Variants in RFX2 observed in about 807,000 individuals in gnomAD.
RFX2 encodes DNA-binding protein RFX2.
A neutral mutation model predicts 87.8 loss-of-function variants in RFX2; 20 were observed. The ratio of observed to expected loss-of-function variants is 0.23; its 90% CI spans 0.16 to 0.33. The LOEUF (loss-of-function observed/expected upper bound fraction) is 0.33, where lower values mean the gene tolerates loss of function less well. Among genes scored for constraint, RFX2 ranks in the 10% least tolerant of loss-of-function variants. The probability of loss-of-function intolerance (pLI) is 1.00; values close to 1 mark genes in which losing one functional copy is unlikely to be tolerated. For synonymous variants in RFX2, 397 were observed against 431.3 expected, an observed-to-expected ratio of 0.92 and a Z score of 0.98; for missense variants, 767 against 1,012.3, an observed-to-expected ratio of 0.76 and a Z score of 3.29.
chr19:6,001,336 C>T lies in RFX2; in HGVS notation c.1859+479G>A, dbSNP rs916953127. ...AGGGTACAGTGGTGCAATCTTGGCT[C>T]ACTGCAGCCTGGACCGCCTGGGCTC... On this transcript the variant is annotated intron_variant, in intron 15 of 17. Transcript: ENST00000303657. The surrounding 1 kb of genome is among the most constrained non-coding windows in gnomAD (Gnocchi z 5.6). Among the ~76,000 whole-genome samples the T allele has an allele frequency of 6.6e-6, 1 of 152,212 alleles. No homozygotes were observed. The highest frequency in any genetic ancestry group is 1.5e-5 in the Non-Finnish European group (1 of 68,044).
chr19:5,996,587 C>A (rs570306564), intron 16 of RFX2, among the ~76,000 whole-genome samples: 1 of 152,234 alleles, frequency 6.6e-6, no homozygotes, highest in Non-Finnish European at 1.5e-5. Context: ...ACGGGGTTTC[C>A]TTTTGGGGTG....
intron 1 of RFX2, among the ~76,000 whole-genome samples, chr19:6,099,238 A>C (rs2088077928): frequency 6.6e-6 from 1 of 152,174 alleles, no homozygotes. Context: ...TCGGGATTTC[A>C]TATTCTCCAC....
chr19:6,023,382 C>T lies in RFX2; in HGVS notation c.597+2781G>A, dbSNP rs1052662853. 1.3e-5 allele frequency among the ~76,000 whole-genome samples: 2 copies of T among 152,236 alleles called. No individual in the cohort carries two copies. Among genetic ancestry groups the T allele is most frequent in the African/African-American group, 4.8e-5 (2 of 41,458 alleles). ...ACCTCAGTCTCAGCCACAGGCAGCC[C>T]TGGGGACAATCGTTGCAAGGGCACG... On this transcript the variant is annotated intron_variant, in intron 6 of 17. Transcript: ENST00000303657. This position sits in a 1 kb window ranked among gnomAD's most constrained non-coding sequence, Gnocchi z 4.9.
At chr19:6,092,563 G>T (rs1745124902) in intron 1 of RFX2, among the ~76,000 whole-genome samples, 1 of 152,218 alleles carries the variant, frequency 6.6e-6, no homozygotes. Flanking sequence ...CGACAAGCAT[G>T]AGCTTGTGGC....
rs916788957 is a variant in RFX2, at chr19:5,997,427, C to T, written c.1860-214G>A. ...GACAGGTGGGGCCGGCCTGCGCGCT[C>T]AGTTCCAGAGACCACCTGGGGAACA... is the stretch of plus-strand genomic sequence containing the variant. On this transcript the variant is annotated intron_variant, in intron 15 of 17. Transcript: ENST00000303657. The surrounding 1 kb of genome is among the most constrained non-coding windows in gnomAD (Gnocchi z 4.2). The T allele has an allele frequency of 1.8e-6, 1 of 547,152 alleles. No homozygotes were observed. Among genetic ancestry groups the T allele is most frequent in the South Asian group, 2.6e-5 (1 of 38,448 alleles). The allele number at this position is 547,152 out of a possible 1,614,324, so 33.9% of individuals were successfully genotyped here. A position where few individuals can be genotyped will look rare whatever the true frequency, so the allele number is the denominator to read the frequency against.
intron 13 of RFX2, among the ~76,000 whole-genome samples, chr19:6,003,785 A>G (rs1201375913): frequency 8.3e-5 from 8 of 96,332 alleles, no homozygotes; most frequent in Admixed American, 2.5e-4. Flanking sequence ...TCTCAAAAAA[A>G]AAAAAAAAAA....
intron 1 of RFX2, among the ~76,000 whole-genome samples, chr19:6,051,124 T>C (rs1294349549): frequency 5.9e-5 from 9 of 152,130 alleles, no homozygotes; most frequent in African/African-American, 1.2e-4. Flanking sequence ...CTGCCTACCA[T>C]GAGAAATGCT....
rs1010405892 is a variant in RFX2 at position 6,044,745 on chromosome 19, G to A, written c.91-463C>T. 4.6e-5 allele frequency among the ~76,000 whole-genome samples: 7 copies of A among 152,190 alleles called. No homozygotes were observed. Among genetic ancestry groups the A allele is most frequent in the East Asian group, 1.9e-4 (1 of 5,184 alleles). The stretch of plus-strand genomic sequence containing the variant: ...ACTGCGTGGGAGAGCACTCTGTGGC[G>A]CCCCTCGCTTCTGCAGTATAACCCG... On this transcript the variant is annotated intron_variant, in intron 2 of 17. Transcript: ENST00000303657. The surrounding 1 kb of genome is among the most constrained non-coding windows in gnomAD (Gnocchi z 5.3).
rs2086550855 is a variant in RFX2 at position 6,004,572 on chromosome 19, A to G, written c.1403-274T>C. 6.6e-6 allele frequency among the ~76,000 whole-genome samples: 1 copy of G among 152,088 alleles called. No individual in the cohort carries two copies. The highest frequency in any genetic ancestry group is 1.5e-5 in the Non-Finnish European group (1 of 68,000). On this transcript the variant is annotated intron_variant, in intron 12 of 17. Coordinates refer to ENST00000303657, the MANE Select transcript of RFX2 (RefSeq NM_000635.4). This position sits in a 1 kb window ranked among gnomAD's most constrained non-coding sequence, Gnocchi z 4.8. ...ATGTCTGGGGACGTTAATGGTGGTC[A>G]TGACTGCAGGGTGCCTCAGGCATGG...
At chr19:6,031,887 T>A (rs183064008) in intron 5 of RFX2, among the ~76,000 whole-genome samples, 42 of 152,138 alleles carry the variant, frequency 2.8e-4, no homozygotes, top group Admixed American at 2.0e-3. Context: ...GGCATGATCA[T>A]AGCTCATTCT....
intron 1 of RFX2, among the ~76,000 whole-genome samples, chr19:6,104,173 T>A (rs2088172583): frequency 6.6e-6 from 1 of 152,088 alleles, no homozygotes; most frequent in Non-Finnish European, 1.5e-5. Context: ...TTTCCTTTCC[T>A]CTTTCCCCTG....
rs2144784993 is a variant in RFX2 at position 6,050,078 on chromosome 19, A to C, written c.-8-2574T>G. Among the ~76,000 whole-genome samples the C allele has an allele frequency of 6.6e-6, 1 of 152,362 alleles. No individual in the cohort carries two copies. Among genetic ancestry groups the C allele is most frequent in the South Asian group, 2.1e-4 (1 of 4,832 alleles). ...ACAAAATACACCTGAATCTTTGGCT[A>C]AGCAACTACACCACAAAGGTGTGGG... On this transcript the variant is annotated intron_variant, in intron 1 of 17. Coordinates refer to ENST00000303657, the MANE Select transcript of RFX2 (RefSeq NM_000635.4). This position sits in a 1 kb window ranked among gnomAD's most constrained non-coding sequence, Gnocchi z 4.6.
At position 6,012,903 on chromosome 19, in the gene RFX2, G is replaced by A; in HGVS notation, c.899+83C>T. The A allele has an allele frequency of 4.6e-6, 6 of 1,308,766 alleles. No individual in the cohort carries two copies. Among genetic ancestry groups the A allele is most frequent in the African/African-American group, 1.5e-5 (1 of 66,320 alleles). The allele number at this position is 1,308,766 out of a possible 1,614,324, so 81.1% of individuals were successfully genotyped here. A position where few individuals can be genotyped will look rare whatever the true frequency, so the allele number is the denominator to read the frequency against. ...ATGCTGGAGACTGGGGAGTTATGATGAGTTTGTTTCGTGTTGGAGAAACAC... is the reference window on the plus strand; with the variant it reads ...ATGCTGGAGACTGGGGAGTTATGATAAGTTTGTTTCGTGTTGGAGAAACAC... On this transcript the variant is annotated intron_variant, in intron 8 of 17. Transcript: ENST00000303657. The surrounding 1 kb of genome is among the most constrained non-coding windows in gnomAD (Gnocchi z 4.6).
In RFX2 at chr19:6,064,344, G is replaced by A. The variant is rs1323667699; in HGVS notation, c.-8-16840C>T. 6.6e-6 allele frequency among the ~76,000 whole-genome samples: 1 copy of A among 152,066 alleles called. No individual in the cohort carries two copies. Among genetic ancestry groups the A allele is most frequent in the Non-Finnish European group, 1.5e-5 (1 of 68,012 alleles). On this transcript the variant is annotated intron_variant, in intron 1 of 17. Coordinates refer to ENST00000303657, the MANE Select transcript of RFX2 (RefSeq NM_000635.4). The surrounding 1 kb of genome is among the most constrained non-coding windows in gnomAD (Gnocchi z 4.8). Reference sequence around the variant, plus strand: ...TTACCAGCCTTTCTTTCCCTCTCACGTTTCTCTCCCTTTCTGACCATGAGC... The same window carrying A: ...TTACCAGCCTTTCTTTCCCTCTCACATTTCTCTCCCTTTCTGACCATGAGC...
In RFX2 at chr19:6,024,665, A is replaced by G. The variant is rs2086861647; in HGVS notation, c.597+1498T>C. Among the ~76,000 whole-genome samples the G allele has an allele frequency of 6.6e-6, 1 of 152,132 alleles. No individual in the cohort carries two copies. The highest frequency in any genetic ancestry group is 2.1e-4 in the South Asian group (1 of 4,826). ...CCCCAGAATCACTCACTGCCTTTTG[A>G]TAACGCCTCATTTTACACATCGGCC... On this transcript the variant is annotated intron_variant, in intron 6 of 17. Transcript: ENST00000303657. The surrounding 1 kb of genome is among the most constrained non-coding windows in gnomAD (Gnocchi z 5.0).
intron 5 of RFX2, among the ~76,000 whole-genome samples, chr19:6,031,671 C>T (rs968797080): frequency 6.6e-6 from 1 of 152,040 alleles, no homozygotes; most frequent in African/African-American, 2.4e-5. Flanking sequence ...CTCAAGTGAT[C>T]CACCCGCCTT....
chr19:6,084,348 T>C (rs912060036), intron 1 of RFX2, among the ~76,000 whole-genome samples: 2 of 152,220 alleles, frequency 1.3e-5, no homozygotes, highest in African/African-American at 4.8e-5. Context: ...CTCTTTATCA[T>C]TAATTGTGGT....
intron 6 of RFX2, among the ~76,000 whole-genome samples, chr19:6,025,962 T>G (rs914706787): frequency 1.3e-5 from 2 of 151,922 alleles, no homozygotes; most frequent in African/African-American, 4.8e-5. Flanking sequence ...ATTTTTCTAT[T>G]TTAATAGAGA....
intron 15 of RFX2, among the ~76,000 whole-genome samples, chr19:6,000,535 T>C (rs370901499): frequency 3.3e-5 from 5 of 152,344 alleles, no homozygotes; most frequent in East Asian, 1.9e-4. Flanking sequence ...TGGGAGGTAA[T>C]TGAATCATGG....
Sources: allele counts gnomAD v4.1 joint callset (sites outside exome capture counted in the v4.1 genomes callset), GRCh38; gene constraint gnomAD v4.1.1; non-coding constraint Gnocchi (gnomAD v3.1); transcripts MANE v1.5; gene names NCBI Gene and HGNC (gene_info 2026-07-23, HGNC 2026-07-21).